The following RALGAPB variants were observed in gnomAD, a reference collection of about 807,000 sequenced individuals.
RALGAPB encodes Ral GTPase activating protein non-catalytic subunit beta.
A neutral mutation model predicts 161.1 loss-of-function variants in RALGAPB; 25 were observed. The observed-to-expected ratio is 0.16, with a 90% confidence interval of 0.11 to 0.22. The LOEUF (loss-of-function observed/expected upper bound fraction) is 0.22. Among genes scored for constraint, RALGAPB ranks in the 10% least tolerant of loss-of-function variants. The probability of loss-of-function intolerance (pLI) is 1.00; values close to 1 mark genes in which losing one functional copy is unlikely to be tolerated. For missense variants in RALGAPB, 1,391 were observed against 1,815.2 expected (o/e 0.77, Z 4.25); for synonymous variants, 629 against 626.1 (o/e 1.00, Z -0.07).
At chr20:38,531,267 A>T in intron 14 of RALGAPB, 36 bp downstream of exon 14, 1 of 1,498,252 alleles carries the variant, frequency 6.7e-7, no homozygotes, top group Non-Finnish European at 9.3e-7. Flanking sequence ...AGAGAATATC[A>T]CTTTTGAATT....
At chr20:38,530,926 G>A (rs1304157627) in intron 13 of RALGAPB, among the ~76,000 whole-genome samples, 1 of 147,984 alleles carries the variant, frequency 6.8e-6, no homozygotes, top group East Asian at 2.0e-4. Flanking sequence ...AGGCTATGCA[G>A]TTTGGGAGTT....
At chr20:38,519,874 T>G (rs1249021435) in intron 9 of RALGAPB, among the ~76,000 whole-genome samples, 2 of 152,212 alleles carry the variant, frequency 1.3e-5, no homozygotes, top group Non-Finnish European at 2.9e-5. Context: ...AGTGTTTGCT[T>G]CTTTGAACTG....
At chr20:38,491,333 C>CT (rs34536415) in intron 2 of RALGAPB, among the ~76,000 whole-genome samples, 3,807 of 147,706 alleles carry the variant, frequency 0.026, 159 homozygotes, top group African/African-American at 0.089. Context: ...CACTGTTTTT[C>CT]TTTTTTTTTT....
At chr20:38,517,477 ATTTCATT>A (rs752474289) in intron 7 of RALGAPB, 22 bp from the exon 8 acceptor site, 64 of 1,531,788 alleles carry the variant, frequency 4.2e-5, no homozygotes, top group Non-Finnish European at 5.0e-5. Flanking sequence ...ATGAAGAATA[ATTTCATT>A]TGTCTTTTTT....
chr20:38,488,203 G>A (rs960052643), intron 1 of RALGAPB, among the ~76,000 whole-genome samples, 200 bp from the exon 2 acceptor site: 1 of 152,010 alleles, frequency 6.6e-6, no homozygotes, highest in Non-Finnish European at 1.5e-5. Context: ...ATTAAAACAA[G>A]TATTATCCAT....
At chr20:38,487,926 C>G (rs1600836213) in intron 1 of RALGAPB, among the ~76,000 whole-genome samples, 1 of 152,020 alleles carries the variant, frequency 6.6e-6, no homozygotes, top group African/African-American at 2.4e-5. Context: ...ATTAGTCGGG[C>G]ATGGTGGTGC....
At chr20:38,526,140 T>C (rs1475386431) in intron 13 of RALGAPB, 98 bp downstream of exon 13, 8 of 1,330,686 alleles carry the variant, frequency 6.0e-6, no homozygotes, top group Admixed American at 2.1e-5. Flanking sequence ...CTAAACCTAA[T>C]GTAGCTCTAC....
At chr20:38,560,105 A>G (rs2087734106) in intron 23 of RALGAPB, among the ~76,000 whole-genome samples, 1 of 142,664 alleles carries the variant, frequency 7.0e-6, no homozygotes, top group Admixed American at 6.7e-5. Context: ...TTTATGAGAA[A>G]GTTTTTTTTT....
Position 38,570,779 on chromosome 20 carries a change from C to T in RALGAPB, c.4074C>T (p.Pro1358=), listed in dbSNP as rs755847519. The change falls in exon 28 of 30, where the codon CCC becomes CCT. Residue 1358 remains proline, a synonymous_variant. Coordinates refer to ENST00000262879, the MANE Select transcript of RALGAPB (RefSeq NM_020336.4). ...ATTATTTTCTTCCAGAAAACTTTCC[C>T]CTCTCAGAGCTGATGACAGAGATCA... The part of the protein sequence containing the change: ...VERYDDIENF[P]LSELMTEIST... The T allele has an allele frequency of 2.5e-6, 4 of 1,601,482 alleles. No individual in the cohort carries two copies. The African/African-American group carries it at 4.0e-5, about 16-fold the overall frequency.
Position 38,575,091 on chromosome 20 carries a change from A to G in RALGAPB, c.*124A>G. 4.8e-6 allele frequency: 4 copies of G among 826,390 alleles called. 1 individual carries two copies. In the South Asian group the frequency reaches 7.0e-5, roughly 15 times the overall value. 51.2% of individuals were successfully genotyped at this position (826,390 alleles called of 1,614,324 possible). ...CCCAAGAGCTTACTGTTTAATCACCAGAATAGAAGAAACACATTATAACCC... is the reference window on the plus strand; with the variant it reads ...CCCAAGAGCTTACTGTTTAATCACCGGAATAGAAGAAACACATTATAACCC... On this transcript the variant is annotated 3_prime_UTR_variant, in exon 30 of 30. Coordinates refer to ENST00000262879, the MANE Select transcript of RALGAPB (RefSeq NM_020336.4).
chr20:38,510,695 G>A (rs2085916048), intron 6 of RALGAPB, among the ~76,000 whole-genome samples: 1 of 120,388 alleles, frequency 8.3e-6, no homozygotes, highest in African/African-American at 6.5e-5. Flanking sequence ...CGGATCACGA[G>A]GTCAGGAGAT....
At chr20:38,573,072 T>G (rs1253213978) in intron 28 of RALGAPB, among the ~76,000 whole-genome samples, 1 of 151,896 alleles carries the variant, frequency 6.6e-6, no homozygotes, top group Non-Finnish European at 1.5e-5. Flanking sequence ...CTTTGTTGTT[T>G]TCATCTTTTT....
chr20:38,569,541 G>A, intron 26 of RALGAPB: 1 of 183,306 alleles, frequency 5.5e-6, no homozygotes, highest in Non-Finnish European at 1.2e-5. Context: ...CTGTGATGGG[G>A]AAGGATACTG....
chr20:38,523,043 A>T (rs1043198039), intron 10 of RALGAPB, among the ~76,000 whole-genome samples: 1 of 151,960 alleles, frequency 6.6e-6, no homozygotes, highest in South Asian at 2.1e-4. Flanking sequence ...AGTCCCAGCT[A>T]CTCGGGAAGC....
intron 6 of RALGAPB, among the ~76,000 whole-genome samples, chr20:38,510,876 C>G (rs1238712221): frequency 1.7e-5 from 2 of 119,106 alleles, no homozygotes; most frequent in Non-Finnish European, 3.1e-5. Context: ...CGCCACTGCA[C>G]TCCAGCCTGG....
At chr20:38,484,181 AAAAAG>A (rs769353380) in intron 1 of RALGAPB, among the ~76,000 whole-genome samples, 16 of 152,266 alleles carry the variant, frequency 1.1e-4, no homozygotes, top group South Asian at 2.1e-4. Context: ...CCATCTCAAA[AAAAAG>A]AAAAGAAAAG....
chr20:38,474,132 C>T (rs1171372998), intron 1 of RALGAPB, among the ~76,000 whole-genome samples: 1 of 152,154 alleles, frequency 6.6e-6, no homozygotes. Context: ...TGCAATTTTC[C>T]TAAATATACA....
chr20:38,483,586 G>A (rs1411902159), intron 1 of RALGAPB, among the ~76,000 whole-genome samples: 2 of 152,134 alleles, frequency 1.3e-5, no homozygotes, highest in African/African-American at 2.4e-5. Context: ...CTGGCAAAAC[G>A]TTCATGCTAT....
Position 38,566,977 on chromosome 20 carries a change from C to T in RALGAPB, c.3818-119C>T, listed in dbSNP as rs938944582. On this transcript the variant is annotated intron_variant, in intron 25 of 29. Transcript: ENST00000262879. ...AGAAAAAAGTTTGTCAGCCCTTGCT[C>T]TCGAAGCAATGCTTTGTTTAAGTGA... The T allele has an allele frequency of 1.0e-5, 15 of 1,439,304 alleles. No homozygotes were observed. In the African/African-American group the frequency reaches 2.0e-4, roughly 19 times the overall value. 89.2% of individuals were successfully genotyped at this position (1,439,304 alleles called of 1,614,324 possible). A position where few individuals can be genotyped will look rare whatever the true frequency, so the allele number is the denominator to read the frequency against.
Sources: allele counts gnomAD v4.1 joint callset (sites outside exome capture counted in the v4.1 genomes callset), GRCh38; gene constraint gnomAD v4.1.1; transcripts MANE v1.5; gene names NCBI Gene and HGNC (gene_info 2026-07-23, HGNC 2026-07-21).